Variants in TSBP1 observed in about 807,000 individuals in gnomAD.
The protein encoded by TSBP1 is testis-expressed basic protein 1.
Under a neutral mutation model 68.8 loss-of-function variants are expected in TSBP1, and 56 were observed. That is an observed-to-expected ratio of 0.81 (90% CI 0.66 to 1.02). TSBP1 has a LOEUF of 1.02. Among genes scored for constraint, TSBP1 ranks in the 50% least tolerant of loss-of-function variants. The probability of loss-of-function intolerance (pLI) is 0.00; values close to 1 mark genes in which losing one functional copy is unlikely to be tolerated. For missense variants in TSBP1, 502 were observed against 641.2 expected, an observed-to-expected ratio of 0.78 and a Z score of 2.34; for synonymous variants, 171 against 208.7, an observed-to-expected ratio of 0.82 and a Z score of 1.56.
In TSBP1 at chr6:32,306,619, A is replaced by G. The variant is rs185838847; in HGVS notation, c.581-3990T>C. Among the ~76,000 whole-genome samples, 144 of 152,352 alleles carry G rather than the reference A, an allele frequency of 9.5e-4. 2 individuals are homozygous for G. Among genetic ancestry groups the G allele is most frequent in the African/African-American group, 3.3e-3 (139 of 41,578 alleles). On this transcript the variant is annotated intron_variant, in intron 19 of 22. Coordinates refer to ENST00000612031, the Ensembl canonical transcript of TSBP1. This position sits in a 1 kb window ranked among gnomAD's most constrained non-coding sequence, Gnocchi z 5.1. ...AATCAGCACTAAAATTGTTTCCATT[A>G]GGAAGCCAGCAATGTAAAGCATATG...
chr6:32,313,146 A>G (rs1158977183), intron 19 of TSBP1, among the ~76,000 whole-genome samples: 10 of 151,892 alleles, frequency 6.6e-5, no homozygotes. Context: ...CCTCCATAGC[A>G]GGCCTGTGCA....
intron 9 of TSBP1, 127 bp from the exon 11 acceptor site, chr6:32,339,765 TGA>T: frequency 2.0e-6 from 1 of 502,558 alleles, no homozygotes; most frequent in Non-Finnish European, 3.7e-6. Context: ...GTTAAAGAGC[TGA>T]GTCCGACTTT....
At chr6:32,301,818 G>T (rs1298990526) in intron 20 of TSBP1, among the ~76,000 whole-genome samples, 1 of 144,010 alleles carries the variant, frequency 6.9e-6, no homozygotes, top group Non-Finnish European at 1.5e-5. Flanking sequence ...TTTAAAAATG[G>T]GAGTTGGCAA....
chr6:32,344,443 G>C (rs1246973813), intron 9 of TSBP1, among the ~76,000 whole-genome samples: 1 of 151,866 alleles, frequency 6.6e-6, no homozygotes, highest in Non-Finnish European at 1.5e-5. Flanking sequence ...TCTAGAAATA[G>C]GGCCTGCCTA....
intron 16 of TSBP1, among the ~76,000 whole-genome samples, chr6:32,326,935 AG>A (rs1562112574): frequency 6.6e-6 from 1 of 152,034 alleles, no homozygotes; most frequent in African/African-American, 2.4e-5. Flanking sequence ...GAAATCCTGC[AG>A]GGGATTGGTA....
At chr6:32,345,366 A>C (rs4959025) in intron 9 of TSBP1, among the ~76,000 whole-genome samples, 50,850 of 151,620 alleles carry the variant, frequency 0.34, 9,539 homozygotes, top group Middle Eastern at 0.52. Flanking sequence ...AATCCACATC[A>C]GTCTGAGTTA....
chr6:32,305,365 T>C (rs1765694958), intron 19 of TSBP1, among the ~76,000 whole-genome samples: 1 of 152,182 alleles, frequency 6.6e-6, no homozygotes, highest in Non-Finnish European at 1.5e-5. Context: ...CCTTCAGGAC[T>C]CACATCTTAG....
intron 20 of TSBP1, among the ~76,000 whole-genome samples, chr6:32,301,993 A>ATAATAATAT (rs1765352979): frequency 6.7e-6 from 1 of 149,478 alleles, no homozygotes. Flanking sequence ...AATAATAATA[A>ATAATAATAT]TATTTTGTGG....
At chr6:32,326,260 C>G (rs2127592852) in intron 16 of TSBP1, 1 of 853,492 alleles carries the variant, frequency 1.2e-6, no homozygotes, top group Non-Finnish European at 1.9e-6. Context: ...GTGAACTCAG[C>G]CAAGCACAGT....
Position 32,371,688 on chromosome 6 carries a change from C to A in TSBP1, c.13+6G>T. On this transcript the variant is annotated splice_donor_region_variant and intron_variant, in intron 1 of 22. Transcript: ENST00000612031. ...AGGAAGCCTCAAAGAGGGAGTTAGT[C>A]CATACCCAAGACTGTCATTTTCCAT... 2 of 1,609,888 alleles carry A rather than the reference C, an allele frequency of 1.2e-6. No individual in the cohort carries two copies. Among genetic ancestry groups the A allele is most frequent in the Non-Finnish European group, 1.7e-6 (2 of 1,176,058 alleles).
chr6:32,293,156 T>C (rs766126891), exon 23 of TSBP1: 2 of 1,598,422 alleles, frequency 1.3e-6, no homozygotes, highest in Middle Eastern at 1.7e-4. Context: ...TTTCTCTGCA[T>C]CTCTCTCCTT....
chr6:32,326,415 G>A (rs476584), intron 16 of TSBP1, among the ~76,000 whole-genome samples: 51,961 of 151,988 alleles, frequency 0.34, 10,029 homozygotes, highest in Middle Eastern at 0.52. Context: ...AAAGCATTCC[G>A]ACAAAGGGTT....
chr6:32,344,356 C>A (rs146714775), intron 9 of TSBP1, among the ~76,000 whole-genome samples: 63 of 144,380 alleles, frequency 4.4e-4, no homozygotes, highest in African/African-American at 1.5e-3. Flanking sequence ...AGGCTAAATT[C>A]ACAAACTAAA....
At position 32,315,333 on chromosome 6, in the gene TSBP1, C is replaced by T. The variant is rs1413773341; in HGVS notation, c.580+439G>A. Reference sequence around the variant, plus strand: ...AACCCAGCACTTTGGGAGGCCAACGCGGGCGGATCACTTGAGGTCAGGAGT... The same window carrying T: ...AACCCAGCACTTTGGGAGGCCAACGTGGGCGGATCACTTGAGGTCAGGAGT... On this transcript the variant is annotated intron_variant, in intron 19 of 22. Coordinates refer to ENST00000612031, the Ensembl canonical transcript of TSBP1. The surrounding 1 kb of genome is among the most constrained non-coding windows in gnomAD (Gnocchi z 5.4). Among the ~76,000 whole-genome samples the T allele has an allele frequency of 2.6e-5, 4 of 152,118 alleles. No homozygotes were observed. Among genetic ancestry groups the T allele is most frequent in the East Asian group, 3.9e-4 (2 of 5,184 alleles).
Position 32,333,990 on chromosome 6 carries a change from G to A in TSBP1, c.472+1447C>T. 1 of 287,678 alleles carries A rather than the reference G, an allele frequency of 3.5e-6. No homozygotes were observed. The highest frequency in any genetic ancestry group is 7.1e-6 in the Non-Finnish European group (1 of 140,778). 17.8% of individuals were successfully genotyped at this position (287,678 alleles called of 1,614,324 possible). ...TGCTAACTTAATAGTTGCTTTGCCTGTATCTACAAATATGTATCTTTGATT... is the reference window on the plus strand; with the variant it reads ...TGCTAACTTAATAGTTGCTTTGCCTATATCTACAAATATGTATCTTTGATT... On this transcript the variant is annotated intron_variant, in intron 14 of 22. Transcript: ENST00000612031. This position sits in a 1 kb window ranked among gnomAD's most constrained non-coding sequence, Gnocchi z 4.2.
rs899273259 is a variant in TSBP1 at position 32,306,583 on chromosome 6, A to G, written c.581-3954T>C. Among the ~76,000 whole-genome samples, 4 of 152,208 alleles carry G rather than the reference A, an allele frequency of 2.6e-5. No individual in the cohort carries two copies. The highest frequency in any genetic ancestry group is 9.7e-5 in the African/African-American group (4 of 41,446). On this transcript the variant is annotated intron_variant, in intron 19 of 22. Coordinates refer to ENST00000612031, the Ensembl canonical transcript of TSBP1. This position sits in a 1 kb window ranked among gnomAD's most constrained non-coding sequence, Gnocchi z 5.1. ...TTGGTTACTTACATTTATGTGTATC[A>G]ATATTGTAAAAATCAGCACTAAAAT...
Position 32,365,325 on chromosome 6 carries a change from A to T in TSBP1, c.217+842T>A. On this transcript the variant is annotated intron_variant, in intron 6 of 22. Transcript: ENST00000612031. The surrounding 1 kb of genome is among the most constrained non-coding windows in gnomAD (Gnocchi z 4.3). ...TTGTGTCCTTTTTTCCAATCCCACA[A>T]AGTCAAACTGACTGTGAGATGTTTC... is the stretch of plus-strand genomic sequence containing the variant. 2.2e-6 allele frequency: 1 copy of T among 457,088 alleles called. No individual in the cohort carries two copies. The highest frequency in any genetic ancestry group is 1.5e-5 in the South Asian group (1 of 64,562). 28.3% of individuals were successfully genotyped at this position (457,088 alleles called of 1,614,324 possible).
At chr6:32,334,393 CT>C (rs1417800017) in intron 14 of TSBP1, among the ~76,000 whole-genome samples, 1 of 152,106 alleles carries the variant, frequency 6.6e-6, no homozygotes, top group Non-Finnish European at 1.5e-5. Context: ...AATATTAGAA[CT>C]TCATTTTATT....
chr6:32,300,872 A>G (rs1350906415), intron 20 of TSBP1, among the ~76,000 whole-genome samples, 172 bp from the exon 24 acceptor site: 1 of 152,224 alleles, frequency 6.6e-6, no homozygotes, highest in East Asian at 1.9e-4. Context: ...GTAGTTTACA[A>G]AGACCTTGTG....
Sources: gnomAD v4.1 joint callset for allele counts (sites outside exome capture counted in the v4.1 genomes callset) on GRCh38, gnomAD v4.1.1 for gene constraint, Gnocchi (gnomAD v3.1) non-coding constraint, MANE v1.5 for transcripts, NCBI Gene and HGNC (gene_info 2026-07-23, HGNC 2026-07-21) for gene names.